The following GAREM1 variants were observed in gnomAD, a reference collection of about 807,000 sequenced individuals.
The protein encoded by GAREM1 is GRB2 associated regulator of MAPK1 subtype 1.
GAREM1 carries 26 observed loss-of-function variants against 71.3 expected under a neutral mutation model. The ratio of observed to expected loss-of-function variants is 0.36; its 90% CI spans 0.27 to 0.51. The LOEUF is 0.51. GAREM1 is among the 20% of genes least tolerant of loss of function. GAREM1 has a pLI of 0.95. For missense variants in GAREM1, 1,026 were observed against 1,103.1 expected (o/e 0.93, Z 0.99); for synonymous variants, 440 against 433.2 (o/e 1.02, Z -0.20).
intron 1 of GAREM1, among the ~76,000 whole-genome samples, chr18:32,419,176 C>T (rs1299709303): frequency 6.6e-6 from 1 of 152,208 alleles, no homozygotes; most frequent in Admixed American, 6.5e-5. Flanking sequence ...GAAAACCTGT[C>T]TCATGCTAAA....
intron 1 of GAREM1, among the ~76,000 whole-genome samples, chr18:32,426,082 G>A (rs1381512106): frequency 2.6e-5 from 4 of 152,128 alleles, no homozygotes; most frequent in Non-Finnish European, 5.9e-5. Context: ...GCAGTGGTGT[G>A]ATCTCAGCTC....
chr18:32,303,916 TA>T (rs200471885), intron 3 of GAREM1, among the ~76,000 whole-genome samples: 1 of 95,844 alleles, frequency 1.0e-5, no homozygotes, highest in Non-Finnish European at 2.1e-5. Flanking sequence ...GCATGTTTCT[TA>T]AAAAAAAAGA....
At chr18:32,435,302 T>C (rs2048664687) in intron 1 of GAREM1, among the ~76,000 whole-genome samples, 1 of 151,894 alleles carries the variant, frequency 6.6e-6, no homozygotes, top group African/African-American at 2.4e-5. Flanking sequence ...CCAAATGAAG[T>C]CAACAGTTTA....
rs2041341987 is a variant in GAREM1 at position 32,264,145 on chromosome 18, G to A, written c.*3726C>T. 6.6e-6 allele frequency: 1 copy of A among 152,020 alleles called. No homozygotes were observed. Among genetic ancestry groups the A allele is most frequent in the South Asian group, 2.1e-4 (1 of 4,812 alleles). The allele number at this position is 152,020 out of a possible 1,614,324, so 9.4% of individuals were successfully genotyped here. ...CTAAAAACTCTACTTCACATAATTT[G>A]CACTCTAGGCCTTTTATTCTTCTTG... On this transcript the variant is annotated 3_prime_UTR_variant, in exon 6 of 6. Coordinates refer to ENST00000269209, the MANE Select transcript of GAREM1 (RefSeq NM_001242409.2).
chr18:32,277,819 ACAGTAGGAAG>A (rs1271392697), intron 4 of GAREM1, among the ~76,000 whole-genome samples: 9 of 152,366 alleles, frequency 5.9e-5, no homozygotes, highest in African/African-American at 2.2e-4. Flanking sequence ...GAATTTGTTA[ACAGTAGGAAG>A]CTCATCATTG....
intron 1 of GAREM1, among the ~76,000 whole-genome samples, chr18:32,463,122 T>G (rs2048967393): frequency 6.6e-6 from 1 of 152,178 alleles, no homozygotes; most frequent in Non-Finnish European, 1.5e-5. Flanking sequence ...GTGATGGATA[T>G]GCTAATTAGC....
intron 2 of GAREM1, among the ~76,000 whole-genome samples, chr18:32,313,549 A>AG (rs2047345701): frequency 3.9e-5 from 6 of 152,184 alleles, no homozygotes; most frequent in Admixed American, 3.9e-4. Context: ...CTTGACAAGA[A>AG]GAGGAGTATA....
chr18:32,351,426 A>T (rs1334519290), intron 2 of GAREM1, among the ~76,000 whole-genome samples: 1 of 152,162 alleles, frequency 6.6e-6, no homozygotes, highest in Non-Finnish European at 1.5e-5. Context: ...CTTAATTCAG[A>T]TATAAACAAT....
chr18:32,468,955 G>C (rs2049023477), intron 1 of GAREM1, among the ~76,000 whole-genome samples: 1 of 79,142 alleles, frequency 1.3e-5, no homozygotes. Flanking sequence ...CACACCACCT[G>C]TGCGTCCCCC....
chr18:32,276,630 C>T (rs2041546381), intron 4 of GAREM1, among the ~76,000 whole-genome samples: 1 of 152,112 alleles, frequency 6.6e-6, no homozygotes, highest in Non-Finnish European at 1.5e-5. Context: ...AAAGGTAGAA[C>T]ATAGAAGAAC....
chr18:32,321,763 C>T (rs1035075563), intron 2 of GAREM1, among the ~76,000 whole-genome samples: 3 of 152,196 alleles, frequency 2.0e-5, no homozygotes, highest in Non-Finnish European at 2.9e-5. Flanking sequence ...GTCTCCACTG[C>T]TACCACATAT....
Position 32,412,756 on chromosome 18 carries a change from C to T in GAREM1, c.122-19721G>A, listed in dbSNP as rs200004964. 3.3e-3 allele frequency: 4,429 copies of T among 1,332,028 alleles called. 20 individuals carry two copies. Among genetic ancestry groups the T allele is most frequent in the Middle Eastern group, 0.022 (85 of 3,910 alleles). The allele number at this position is 1,332,028 out of a possible 1,614,324, so 82.5% of individuals were successfully genotyped here. On this transcript the variant is annotated intron_variant, in intron 1 of 5. Transcript: ENST00000269209. Reference sequence around the variant, plus strand: ...GCAAAGCCCCTTTTCTTGCCACTGCCTCGGTCAGTCATGATTTCAATCACT... The same window carrying T: ...GCAAAGCCCCTTTTCTTGCCACTGCTTCGGTCAGTCATGATTTCAATCACT...
intron 1 of GAREM1, among the ~76,000 whole-genome samples, chr18:32,425,778 T>C (rs12052010): frequency 0.042 from 6,367 of 152,274 alleles, 446 homozygotes; most frequent in East Asian, 0.32. Context: ...CTAATCTAAG[T>C]AGCTCTTGAA....
intron 3 of GAREM1, among the ~76,000 whole-genome samples, chr18:32,298,795 T>C (rs545237109): frequency 4.6e-5 from 7 of 152,334 alleles, no homozygotes; most frequent in African/African-American, 1.7e-4. Flanking sequence ...CTGATTGATA[T>C]ATAGGTTATA....
intron 2 of GAREM1, among the ~76,000 whole-genome samples, chr18:32,320,254 T>C (rs2047416455): frequency 6.6e-6 from 1 of 152,216 alleles, no homozygotes; most frequent in African/African-American, 2.4e-5. Flanking sequence ...GACATAATTA[T>C]TTTTATAAGT....
chr18:32,411,956 A>G (rs1568000978), intron 1 of GAREM1, among the ~76,000 whole-genome samples: 1 of 152,264 alleles, frequency 6.6e-6, no homozygotes, highest in Admixed American at 6.5e-5. Context: ...AAAAAAAAAA[A>G]TCTACATTAA....
chr18:32,270,941 G>A lies in GAREM1; in HGVS notation c.1567-558C>T, dbSNP rs74332855. Among the ~76,000 whole-genome samples the A allele has an allele frequency of 4.0e-3, 500 of 126,566 alleles. 5 individuals carry two copies. Among genetic ancestry groups the A allele is most frequent in the African/African-American group, 0.013 (433 of 34,008 alleles). 83.0% of individuals were successfully genotyped at this position (126,566 alleles called of 152,430 possible). A position where few individuals can be genotyped will look rare whatever the true frequency, so the allele number is the denominator to read the frequency against. On this transcript the variant is annotated intron_variant, in intron 4 of 5. Transcript: ENST00000269209. ...TTTTGAGATGGAGTCTCACTCTGTC[G>A]CGCAGGTTGGAATGCAATGGCACAA...
chr18:32,396,440 C>T (rs1018040849), intron 1 of GAREM1, among the ~76,000 whole-genome samples: 2 of 152,210 alleles, frequency 1.3e-5, no homozygotes, highest in African/African-American at 4.8e-5. Flanking sequence ...ACTAGAATAA[C>T]CAGTGTAGAG....
intron 2 of GAREM1, among the ~76,000 whole-genome samples, chr18:32,331,286 G>A (rs868664369): frequency 2.0e-5 from 3 of 152,300 alleles, no homozygotes; most frequent in Middle Eastern, 6.8e-3. Context: ...GCTGTGAAGA[G>A]TTTAACATTT....
Sources: allele counts gnomAD v4.1 joint callset (sites outside exome capture counted in the v4.1 genomes callset), GRCh38; gene constraint gnomAD v4.1.1; transcripts MANE v1.5; gene names NCBI Gene and HGNC (gene_info 2026-07-23, HGNC 2026-07-21).